PITPNC1: variants seen among roughly 807,000 people sequenced by gnomAD.
The protein encoded by PITPNC1 is cytoplasmic phosphatidylinositol transfer protein 1.
A neutral mutation model predicts 44.7 loss-of-function variants in PITPNC1; 18 were observed. The observed-to-expected ratio is 0.40, with a 90% CI of 0.28 to 0.60. The LOEUF is 0.60. Among genes scored for constraint, PITPNC1 ranks in the 20% least tolerant of loss-of-function variants. PITPNC1 has a pLI of 0.39. For missense variants in PITPNC1, 290 were observed against 418.4 expected (o/e 0.69, Z 2.68); for synonymous variants, 141 against 149.6 (o/e 0.94, Z 0.42).
intron 1 of PITPNC1, among the ~76,000 whole-genome samples, chr17:67,463,719 A>G (rs954777911): frequency 2.0e-5 from 3 of 151,816 alleles, no homozygotes; most frequent in Admixed American, 6.6e-5. Context: ...TGTGGGCAAC[A>G]TGGCAAAAAC....
chr17:67,495,448 G>T (rs1007981794), intron 1 of PITPNC1, among the ~76,000 whole-genome samples: 1 of 152,008 alleles, frequency 6.6e-6, no homozygotes, highest in Non-Finnish European at 1.5e-5. Flanking sequence ...CTCATGTCAT[G>T]GGGGTTTGTT....
chr17:67,514,866 AG>A (rs763652092), intron 1 of PITPNC1, among the ~76,000 whole-genome samples: 1 of 152,184 alleles, frequency 6.6e-6, no homozygotes, highest in Non-Finnish European at 1.5e-5. Context: ...CCCCAGTCAA[AG>A]ATAACTCTGC....
At chr17:67,439,287 T>C (rs749498271) in intron 1 of PITPNC1, among the ~76,000 whole-genome samples, 2 of 152,200 alleles carry the variant, frequency 1.3e-5, no homozygotes, top group Non-Finnish European at 2.9e-5. Context: ...AAATACAGAA[T>C]AGGATTCAAA....
chr17:67,468,426 G>C (rs1336570435), intron 1 of PITPNC1, among the ~76,000 whole-genome samples: 2 of 144,846 alleles, frequency 1.4e-5, no homozygotes, highest in Non-Finnish European at 3.0e-5. Flanking sequence ...TTTTGAGATG[G>C]AGTCTCACTC....
chr17:67,548,270 A>C (rs1272496943), intron 2 of PITPNC1, among the ~76,000 whole-genome samples: 1 of 152,184 alleles, frequency 6.6e-6, no homozygotes, highest in East Asian at 1.9e-4. Flanking sequence ...TGTCATTGAT[A>C]TGTTCTATTT....
chr17:67,583,228 C>T (rs2144241050), intron 5 of PITPNC1, among the ~76,000 whole-genome samples: 1 of 152,276 alleles, frequency 6.6e-6, no homozygotes, highest in East Asian at 1.9e-4. Context: ...CCTCAGGAGA[C>T]ATTGGCTATG....
chr17:67,446,679 G>A (rs182698866), intron 1 of PITPNC1, among the ~76,000 whole-genome samples: 7 of 151,992 alleles, frequency 4.6e-5, no homozygotes, highest in African/African-American at 1.7e-4. Flanking sequence ...TGCACCCCAA[G>A]TCCCCAGCAG....
At chr17:67,502,961 T>G (rs2144072887) in intron 1 of PITPNC1, among the ~76,000 whole-genome samples, 1 of 152,186 alleles carries the variant, frequency 6.6e-6, no homozygotes, top group Non-Finnish European at 1.5e-5. Context: ...TACGCCCAGC[T>G]AATTTTTGTA....
At chr17:67,534,063 T>C (rs1568030203) in intron 2 of PITPNC1, among the ~76,000 whole-genome samples, 1 of 151,834 alleles carries the variant, frequency 6.6e-6, no homozygotes, top group South Asian at 2.1e-4. Flanking sequence ...CCTGGCTAAT[T>C]TTTGTATTTT....
chr17:67,558,996 A>G (rs1312535894), intron 4 of PITPNC1, among the ~76,000 whole-genome samples: 1 of 152,168 alleles, frequency 6.6e-6, no homozygotes, highest in Non-Finnish European at 1.5e-5. Flanking sequence ...AGGAGTGGCC[A>G]TGGGGAGAAT....
chr17:67,425,470 C>T (rs1308393509), intron 1 of PITPNC1, among the ~76,000 whole-genome samples: 2 of 146,962 alleles, frequency 1.4e-5, no homozygotes, highest in Non-Finnish European at 3.0e-5. Flanking sequence ...TCTCCCTTCC[C>T]CTCCCTCCCT....
At chr17:67,392,354 T>C (rs1054215318) in intron 1 of PITPNC1, among the ~76,000 whole-genome samples, 4 of 152,206 alleles carry the variant, frequency 2.6e-5, no homozygotes, top group African/African-American at 9.6e-5. Context: ...ATCCAGTTTC[T>C]AAATCACACA....
chr17:67,389,359 T>C (rs555078898), intron 1 of PITPNC1, among the ~76,000 whole-genome samples: 1 of 152,248 alleles, frequency 6.6e-6, no homozygotes, highest in Non-Finnish European at 1.5e-5. Context: ...CTAGGGAGAT[T>C]AGCTGAATTA....
chr17:67,594,681 G>A (rs1350798775), intron 5 of PITPNC1, among the ~76,000 whole-genome samples: 1 of 152,172 alleles, frequency 6.6e-6, no homozygotes, highest in Non-Finnish European at 1.5e-5. Flanking sequence ...CATCTATGCT[G>A]TTGTTCCCAG....
intron 6 of PITPNC1, among the ~76,000 whole-genome samples, chr17:67,660,890 G>A (rs1261277131): frequency 7.9e-5 from 10 of 126,830 alleles, no homozygotes; most frequent in Non-Finnish European, 1.3e-4. Flanking sequence ...ATGGAGTCTC[G>A]CTCGGTCACC....
chr17:67,519,931 T>C (rs546847360), intron 1 of PITPNC1, among the ~76,000 whole-genome samples: 1 of 152,236 alleles, frequency 6.6e-6, no homozygotes, highest in African/African-American at 2.4e-5. Flanking sequence ...TGTCTAGGCA[T>C]GAAGTGCCTT....
chr17:67,447,726 C>T (rs1167459265), intron 1 of PITPNC1, among the ~76,000 whole-genome samples: 1 of 150,074 alleles, frequency 6.7e-6, no homozygotes, highest in Non-Finnish European at 1.5e-5. Context: ...CAGCAGAGGT[C>T]TTACGCGACA....
chr17:67,663,875 C>T (rs1284331430), intron 6 of PITPNC1, among the ~76,000 whole-genome samples: 1 of 152,172 alleles, frequency 6.6e-6, no homozygotes, highest in Non-Finnish European at 1.5e-5. Flanking sequence ...CCGCCCTAGA[C>T]CTGTTTTAGC....
chr17:67,516,335 T>C (rs1235041989), intron 1 of PITPNC1, among the ~76,000 whole-genome samples: 1 of 152,178 alleles, frequency 6.6e-6, no homozygotes, highest in Non-Finnish European at 1.5e-5. Context: ...GCTCTACTAC[T>C]TACTACCTGG....
Sources: gnomAD v4.1 joint callset for allele counts (sites outside exome capture counted in the v4.1 genomes callset) on GRCh38, gnomAD v4.1.1 for gene constraint, MANE v1.5 for transcripts, NCBI Gene and HGNC (gene_info 2026-07-23, HGNC 2026-07-21) for gene names.